ALPK3: variants seen among roughly 807,000 people sequenced by gnomAD.
ALPK3 encodes the protein alpha kinase 3.
A neutral mutation model predicts 140.0 loss-of-function variants in ALPK3; 102 were observed. The observed-to-expected ratio is 0.73, with a 90% confidence interval of 0.62 to 0.86. The LOEUF (loss-of-function observed/expected upper bound fraction) is 0.86. Among genes scored for constraint, ALPK3 ranks in the 40% least tolerant of loss-of-function variants. The pLI is 0.00. For missense variants in ALPK3, 2,254 were observed against 2,208.2 expected (o/e 1.02, Z -0.42); for synonymous variants, 938 against 898.5 (o/e 1.04, Z -0.79).
chr15:84,830,523 G>A (rs971509911), intron 3 of ALPK3, among the ~76,000 whole-genome samples: 2 of 152,194 alleles, frequency 1.3e-5, no homozygotes, highest in Admixed American at 1.3e-4. Context: ...CTGGTACACA[G>A]TTACCATCCT....
rs962690116 is a variant in ALPK3, at chr15:84,840,405, C to T, written c.1126C>T (p.Arg376Trp). 2.5e-6 allele frequency: 4 copies of T among 1,613,804 alleles called. No homozygotes were observed. The highest frequency in any genetic ancestry group is 1.1e-5 in the South Asian group (1 of 91,060). Reference protein sequence around the residue: ...VQTQPRGRAARGPGSSGTDST... With the variant: ...VQTQPRGRAAWGPGSSGTDST... ...GACCCAGCCCAGAGGCAGGGCTGCA[C>T]GGGGGCCTGGGTCCTCTGGCACAGA... Residue 376 changes from arginine (R) to tryptophan (W), a missense_variant, in exon 5 of 14, where the codon CGG becomes TGG. Physicochemically the swap from Arg to Trp is moderately radical, Grantham distance 101. This residue lies in a region of ALPK3 where 2,088 missense variants were observed against 2,022.9 expected (regional missense o/e 1.03). Transcript: ENST00000258888.
rs1000753658 is a variant in ALPK3 at position 84,839,046 on chromosome 15, C to G, written c.371C>G (p.Pro124Arg). 6.2e-7 allele frequency: 1 copy of G among 1,612,362 alleles called. No individual in the cohort carries two copies. The highest frequency in any genetic ancestry group is 1.7e-5 in the Admixed American group (1 of 59,922). Reference protein sequence around the residue: ...DTELDRYCGLPKYEITHQGNR... With the variant: ...DTELDRYCGLRKYEITHQGNR... ...GAGCTGGACCGCTACTGTGGCTTGC[C>G]AAAATATGAGATCACTCATCAGGGC... Residue 124 changes from proline (P) to arginine (R), a missense_variant, in exon 4 of 14, where the codon CCA (proline) becomes CGA (arginine). Transcript: ENST00000258888.
At chr15:84,860,941 C>T (rs116573915) in intron 9 of ALPK3, among the ~76,000 whole-genome samples, 2,706 of 152,370 alleles carry the variant, frequency 0.018, 57 homozygotes, top group African/African-American at 0.049. Flanking sequence ...GGTCTGGTCT[C>T]GACCTCCTGA....
intron 1 of ALPK3, among the ~76,000 whole-genome samples, chr15:84,819,919 C>G (rs1963403951): frequency 6.6e-6 from 1 of 152,186 alleles, no homozygotes; most frequent in Non-Finnish European, 1.5e-5. Flanking sequence ...CTATGCACCT[C>G]TCTCTGTCCC....
At chr15:84,842,972 G>A (rs1963684303) in intron 5 of ALPK3, among the ~76,000 whole-genome samples, 1 of 152,176 alleles carries the variant, frequency 6.6e-6, no homozygotes, top group African/African-American at 2.4e-5. Flanking sequence ...AAGGGACCAG[G>A]CTGGTGGCCA....
Position 84,857,988 on chromosome 15 carries a change from G to A in ALPK3, c.3250G>A (p.Ala1084Thr), listed in dbSNP as rs750902389. The A allele has an allele frequency of 2.5e-6, 4 of 1,601,026 alleles. No individual in the cohort carries two copies. Among genetic ancestry groups the A allele is most frequent in the Middle Eastern group, 1.7e-4 (1 of 6,038 alleles). ...IVVDEEDPGL[A>T]SEGASEGEGE... is the part of the protein sequence containing the mutation. ...GGTAGACGAGGAGGACCCTGGGCTG[G>A]CCTCAGAAGGAGCCAGTGAGGGTGA... is the stretch of plus-strand genomic sequence containing the variant. The change falls in exon 6 of 14, where the codon GCC becomes ACC. Residue 1084 changes from alanine to threonine, a missense_variant. Coordinates refer to ENST00000258888, the MANE Select transcript of ALPK3 (RefSeq NM_020778.5).
At position 84,856,358 on chromosome 15, in the gene ALPK3, A is replaced by T; in HGVS notation, c.1654-34A>T. 3.2e-6 allele frequency: 5 copies of T among 1,558,318 alleles called. No homozygotes were observed. In the South Asian group the frequency reaches 6.3e-5, roughly 20 times the overall value. ...TGGAAAGAGATCTGAATGTCCATGT[A>T]GTTAAATCCTTGCTTTTGTCCCTCT... On this transcript the variant is annotated intron_variant, in intron 5 of 13. Transcript: ENST00000258888.
In ALPK3 at chr15:84,857,374, C is replaced by T; in HGVS notation, c.2636C>T (p.Pro879Leu). The T allele has an allele frequency of 6.2e-7, 1 of 1,614,114 alleles. No homozygotes were observed. Among genetic ancestry groups the T allele is most frequent in the Non-Finnish European group, 8.5e-7 (1 of 1,180,024 alleles). The change falls in exon 6 of 14, where the codon CCA becomes CTA. Residue 879 changes from proline to leucine, a missense_variant. Coordinates refer to ENST00000258888, the MANE Select transcript of ALPK3 (RefSeq NM_020778.5). ...SLPGTGLTAS[P>L]KAGPCSTPTS... ...CCTGGAACTGGGCTGACAGCTAGCC[C>T]AAAGGCGGGGCCGTGTAGCACCCCG...
At position 84,831,705 on chromosome 15, in the gene ALPK3, A is replaced by G. The variant is rs1366457872; in HGVS notation, c.304+4100A>G. Reference sequence around the variant, plus strand: ...TTGTAGGCTTTCCTCCCATATCTAGAAATCTTTGGCTGTCAGATAATGAGC... The same window carrying G: ...TTGTAGGCTTTCCTCCCATATCTAGGAATCTTTGGCTGTCAGATAATGAGC... On this transcript the variant is annotated intron_variant, in intron 3 of 13. Transcript: ENST00000258888. Among the ~76,000 whole-genome samples, 3 of 152,330 alleles carry G rather than the reference A, an allele frequency of 2.0e-5. No homozygotes were observed. The East Asian group carries it at 5.8e-4, about 29-fold the overall frequency.
At position 84,868,767 on chromosome 15, in the gene ALPK3, C is replaced by T. The variant is rs1423014380; in HGVS notation, c.*311C>T. 2.5e-6 allele frequency: 1 copy of T among 395,120 alleles called. No homozygotes were observed. The highest frequency in any genetic ancestry group is 3.9e-5 in the Admixed American group (1 of 25,836). The allele number at this position is 395,120 out of a possible 1,614,324, so 24.5% of individuals were successfully genotyped here. ...TTACACTTTGCCACTGCTGGAGGCTCCCCTGAGTCCTCTGCATGAGTTCTG... is the reference window on the plus strand; with the variant it reads ...TTACACTTTGCCACTGCTGGAGGCTTCCCTGAGTCCTCTGCATGAGTTCTG... On this transcript the variant is annotated 3_prime_UTR_variant, in exon 14 of 14. Coordinates refer to ENST00000258888, the MANE Select transcript of ALPK3 (RefSeq NM_020778.5).
intron 1 of ALPK3, among the ~76,000 whole-genome samples, chr15:84,819,646 G>A (rs1466317789): frequency 6.6e-6 from 1 of 152,216 alleles, no homozygotes; most frequent in Non-Finnish European, 1.5e-5. Context: ...GAGAAAGACA[G>A]TCCCTCGAGA....
At chr15:84,833,697 T>C (rs533458441) in intron 3 of ALPK3, among the ~76,000 whole-genome samples, 2 of 152,258 alleles carry the variant, frequency 1.3e-5, no homozygotes, top group Non-Finnish European at 2.9e-5. Context: ...TTAGTCCAGG[T>C]GAGGGAGAGT....
chr15:84,825,956 A>G (rs1167046852), intron 2 of ALPK3, among the ~76,000 whole-genome samples: 1 of 152,154 alleles, frequency 6.6e-6, no homozygotes, highest in Non-Finnish European at 1.5e-5. Context: ...GGTTGTAGGG[A>G]GTGTTACAGA....
Position 84,840,265 on chromosome 15 carries a change from A to C in ALPK3, c.986A>C (p.Lys329Thr). The C allele has an allele frequency of 6.2e-7, 1 of 1,613,912 alleles. No homozygotes were observed. The highest frequency in any genetic ancestry group is 1.1e-5 in the South Asian group (1 of 91,088). The change falls in exon 5 of 14, where the codon AAG (lysine) becomes ACG (threonine). Residue 329 changes from lysine to threonine, a missense_variant. By Grantham distance (78) the Lys-to-Thr change is moderately conservative. Transcript: ENST00000258888. ...KDEESKQGLRKPELEKAAQSR... is the reference protein window; with the variant it reads ...KDEESKQGLRTPELEKAAQSR... Reference sequence around the variant, plus strand: ...GAGGAATCCAAGCAAGGCCTGCGGAAGCCAGAGTTAGAGAAGGCAGCCCAA... The same window carrying C: ...GAGGAATCCAAGCAAGGCCTGCGGACGCCAGAGTTAGAGAAGGCAGCCCAA...
At chr15:84,817,721 G>T (rs1174567925) in intron 1 of ALPK3, 126 bp downstream of exon 1, 5 of 1,224,742 alleles carry the variant, frequency 4.1e-6, no homozygotes, top group Admixed American at 8.3e-5. Flanking sequence ...CAGCCCCAAG[G>T]CCCAGGGCCT....
At chr15:84,817,622 C>T (rs997370150) in intron 1 of ALPK3, 27 bp downstream of exon 1, 12 of 1,475,362 alleles carry the variant, frequency 8.1e-6, no homozygotes, top group Non-Finnish European at 1.1e-5. Context: ...GGCAGGGCGG[C>T]GTCGGGCCGG....
At chr15:84,867,517 T>A in intron 13 of ALPK3, 152 bp downstream of exon 13, 1 of 842,296 alleles carries the variant, frequency 1.2e-6, no homozygotes, top group African/African-American at 1.7e-5. Flanking sequence ...TCCTAGGGGC[T>A]ACTGGTCCCC....
At position 84,857,243 on chromosome 15, in the gene ALPK3, G is replaced by C; in HGVS notation, c.2505G>C (p.Pro835=). ...TCGAGGCCAAGCAGGAGGACAGCCC[G>C]TTCCAGTGCCCCAAGGAGGAGCGGC... ...GPVEAKQEDS[P]FQCPKEERPG... The change falls in exon 6 of 14, where the codon CCG becomes CCC. Residue 835 remains proline (P), a synonymous_variant. Coordinates refer to ENST00000258888, the MANE Select transcript of ALPK3 (RefSeq NM_020778.5). 2 of 1,613,972 alleles carry C rather than the reference G, an allele frequency of 1.2e-6. No individual in the cohort carries two copies. Among genetic ancestry groups the C allele is most frequent in the Non-Finnish European group, 1.7e-6 (2 of 1,179,926 alleles).
chr15:84,823,843 G>A (rs530329726), intron 2 of ALPK3, among the ~76,000 whole-genome samples: 4 of 152,006 alleles, frequency 2.6e-5, no homozygotes, highest in South Asian at 4.2e-4. Flanking sequence ...TCTGAGTAGC[G>A]GGGACTACAG....
Sources: gnomAD v4.1 joint callset for allele counts (sites outside exome capture counted in the v4.1 genomes callset) on GRCh38, gnomAD v4.1.1 for gene constraint, gnomAD v4.1.1 regional missense constraint, MANE v1.5 for transcripts, NCBI Gene and HGNC (gene_info 2026-07-23, HGNC 2026-07-21) for gene names.